Variants in SKA3 observed in about 807,000 individuals in gnomAD.
SKA3 encodes spindle and kinetochore-associated protein 3.
Under a neutral mutation model 44.2 loss-of-function variants are expected in SKA3, and 39 were observed. The ratio of observed to expected loss-of-function variants is 0.88; its 90% CI spans 0.68 to 1.15. The LOEUF is 1.15. SKA3 is among the 50% of genes most tolerant of loss of function. SKA3 has a pLI of 0.00. For missense variants in SKA3, 511 were observed against 485.8 expected, an observed-to-expected ratio of 1.05 and a Z score of -0.49; for synonymous variants, 192 against 172.0, an observed-to-expected ratio of 1.12 and a Z score of -0.91.
intron 7 of SKA3, 96 bp from the exon 8 acceptor site, chr13:21,155,907 G>A: frequency 1.6e-6 from 1 of 632,242 alleles, no homozygotes; most frequent in South Asian, 2.2e-5. Flanking sequence ...AAAGCTATGG[G>A]GCGGGCATGG....
At chr13:21,158,172 G>T in intron 6 of SKA3, 47 bp from the exon 7 acceptor site, 2 of 1,011,748 alleles carry the variant, frequency 2.0e-6, no homozygotes, top group Non-Finnish European at 2.7e-6. Context: ...ATAACATAAT[G>T]TAGTAAATAA....
At chr13:21,157,889 C>CCA in intron 7 of SKA3, 33 bp downstream of exon 7, 11 of 1,214,290 alleles carry the variant, frequency 9.1e-6, no homozygotes, top group Non-Finnish European at 1.2e-5. Flanking sequence ...AGAATATCAG[C>CCA]AAAAAAAAAA....
intron 8 of SKA3, 28 bp downstream of exon 8, chr13:21,155,665 A>G (rs754850214): frequency 2.1e-6 from 2 of 964,948 alleles, no homozygotes; most frequent in South Asian, 3.8e-5. Flanking sequence ...TAACACATGA[A>G]CTTTCTTTAC....
rs748913598 is a variant in SKA3 at position 21,158,128 on chromosome 13, A to ATGCTGTTC, written c.916-4_916-3insGAACAGCA. 2.3e-5 allele frequency: 35 copies of ATGCTGTTC among 1,543,912 alleles called. No homozygotes were observed. The highest frequency in any genetic ancestry group is 2.4e-5 in the Non-Finnish European group (27 of 1,117,558). ...GATAATGGGTAATTTGTGGATACCTATTGAATAAAAATAGACCATTAAATT... is the reference window on the plus strand; with the variant it reads ...GATAATGGGTAATTTGTGGATACCTATGCTGTTCTTGAATAAAAATAGACCATTAAATT... On this transcript the variant is annotated splice_region_variant and splice_polypyrimidine_tract_variant and intron_variant, in intron 6 of 8. Transcript: ENST00000314759.
chr13:21,159,097 T>G (rs541600202), intron 6 of SKA3, among the ~76,000 whole-genome samples: 2 of 152,318 alleles, frequency 1.3e-5, no homozygotes, highest in East Asian at 3.9e-4. Flanking sequence ...AAATAAAATT[T>G]AAAGAAGTAA....
intron 4 of SKA3, among the ~76,000 whole-genome samples, chr13:21,165,933 C>T (rs1455493829): frequency 6.6e-6 from 1 of 151,922 alleles, no homozygotes; most frequent in Non-Finnish European, 1.5e-5. Flanking sequence ...GACCTTGTCT[C>T]AAAACAATAA....
At chr13:21,159,250 CTA>C (rs777244442) in intron 6 of SKA3, among the ~76,000 whole-genome samples, 2 of 152,072 alleles carry the variant, frequency 1.3e-5, no homozygotes, top group Non-Finnish European at 2.9e-5. Flanking sequence ...TATTGGTTTT[CTA>C]TAGCATTGGT....
At chr13:21,155,443 T>C (rs188510092) in intron 8 of SKA3, among the ~76,000 whole-genome samples, 1 of 151,434 alleles carries the variant, frequency 6.6e-6, no homozygotes, top group Non-Finnish European at 1.5e-5. Flanking sequence ...AGTCTCGCTC[T>C]GTTGCCAGGC....
At chr13:21,162,087 A>G (rs1870473374) in intron 4 of SKA3, among the ~76,000 whole-genome samples, 1 of 152,206 alleles carries the variant, frequency 6.6e-6, no homozygotes, top group Non-Finnish European at 1.5e-5. Flanking sequence ...TATTAGTTCA[A>G]AAAGGGAACT....
At position 21,158,075 on chromosome 13, in the gene SKA3, C is replaced by T; in HGVS notation, c.966G>A (p.Leu322=). The change falls in exon 7 of 9, where the codon TTG becomes TTA. Residue 322 remains leucine, a synonymous_variant. Transcript: ENST00000314759. ...CCAACGAAGTACGATCTTCAACTTC[C>T]AAATCATTTGATGAACTATTTGTTT... ...LSKTNSSSND[L]EVEDRTSLVL... 6.2e-7 allele frequency: 1 copy of T among 1,612,760 alleles called. No individual in the cohort carries two copies. The highest frequency in any genetic ancestry group is 8.5e-7 in the Non-Finnish European group (1 of 1,178,902).
At chr13:21,173,194 A>G (rs982167679) in intron 1 of SKA3, among the ~76,000 whole-genome samples, 2 of 152,150 alleles carry the variant, frequency 1.3e-5, no homozygotes, top group African/African-American at 4.8e-5. Context: ...ACAGAGCCTT[A>G]GTAGAACTCT....
rs1265005871 is a variant in SKA3 at position 21,158,035 on chromosome 13, T to G, written c.1006A>C (p.Thr336Pro). 7 of 1,613,326 alleles carry G rather than the reference T, an allele frequency of 4.3e-6. No individual in the cohort carries two copies. Among genetic ancestry groups the G allele is most frequent in the Non-Finnish European group, 5.9e-6 (7 of 1,179,328 alleles). Residue 336 changes from threonine to proline, a missense_variant, in exon 7 of 9, where the codon ACA (threonine) becomes CCA (proline). By Grantham distance (38) the Thr-to-Pro change is conservative. Transcript: ENST00000314759. The part of the protein sequence containing the change: ...DRTSLVLNSD[T>P]CFENLTDPSS... ...GGATCTGTTAAATTCTCAAAGCATG[T>G]GTCTGAATTTAAAACCAACGAAGTA...
intron 1 of SKA3, among the ~76,000 whole-genome samples, chr13:21,173,791 T>C (rs553598838): frequency 5.4e-4 from 82 of 152,354 alleles, no homozygotes; most frequent in Non-Finnish European, 1.1e-3. Context: ...GGAATTATTA[T>C]GAATACTCTT....
intron 1 of SKA3, 144 bp downstream of exon 1, chr13:21,176,231 G>A (rs1871510698): frequency 6.3e-6 from 4 of 639,108 alleles, no homozygotes; most frequent in Admixed American, 3.6e-5. Flanking sequence ...GCAGTGAGAC[G>A]CGCAGCACCC....
intron 3 of SKA3, 127 bp downstream of exon 3, chr13:21,172,211 TA>T: frequency 1.6e-6 from 1 of 606,734 alleles, no homozygotes; most frequent in South Asian, 2.7e-5. Flanking sequence ...ACTAAATATT[TA>T]TCAAATAAGC....
intron 4 of SKA3, 55 bp from the exon 5 acceptor site, chr13:21,161,930 G>T: frequency 8.5e-7 from 1 of 1,182,888 alleles, no homozygotes; most frequent in Non-Finnish European, 1.1e-6. Flanking sequence ...TTCAATCTCT[G>T]GGAAAAAAAT....
rs972647975 is a variant in SKA3, at chr13:21,154,496, C to T, written c.*654G>A. Reference sequence around the variant, plus strand: ...GCTGCCATGTGATAGAAAGAGCTGACATAAGAGAAAAGACCCCCACACAGT... The same window carrying T: ...GCTGCCATGTGATAGAAAGAGCTGATATAAGAGAAAAGACCCCCACACAGT... On this transcript the variant is annotated 3_prime_UTR_variant, in exon 9 of 9. Transcript: ENST00000314759. 6.5e-6 allele frequency: 1 copy of T among 153,262 alleles called. No homozygotes were observed. The highest frequency in any genetic ancestry group is 2.4e-5 in the African/African-American group (1 of 41,436). The allele number at this position is 153,262 out of a possible 1,614,324, so 9.5% of individuals were successfully genotyped here. A position where few individuals can be genotyped will look rare whatever the true frequency, so the allele number is the denominator to read the frequency against.
chr13:21,158,796 G>C (rs1870277056), intron 6 of SKA3, among the ~76,000 whole-genome samples: 1 of 152,206 alleles, frequency 6.6e-6, no homozygotes, highest in African/African-American at 2.4e-5. Flanking sequence ...GAAGAAAGCA[G>C]ATCAGAGGTA....
At chr13:21,174,804 T>G (rs931612137) in intron 1 of SKA3, among the ~76,000 whole-genome samples, 1 of 152,170 alleles carries the variant, frequency 6.6e-6, no homozygotes, top group Non-Finnish European at 1.5e-5. Flanking sequence ...AGCGCATTTG[T>G]TCCACATCTT....
Sources: allele counts gnomAD v4.1 joint callset (sites outside exome capture counted in the v4.1 genomes callset), GRCh38; gene constraint gnomAD v4.1.1; transcripts MANE v1.5; gene names NCBI Gene and HGNC (gene_info 2026-07-23, HGNC 2026-07-21).